The following ADAMTSL1 variants were observed in gnomAD, a reference collection of about 807,000 sequenced individuals.
The protein encoded by ADAMTSL1 is ADAMTS like 1.
Under a neutral mutation model 201.8 loss-of-function variants are expected in ADAMTSL1, and 126 were observed. The ratio of observed to expected loss-of-function variants is 0.62; its 90% CI spans 0.54 to 0.72. The LOEUF is 0.72. Ranked by LOEUF, ADAMTSL1 falls within the 30% of genes least tolerant of loss-of-function variation. The probability of loss-of-function intolerance (pLI) is 0.00; values close to 1 mark genes in which losing one functional copy is unlikely to be tolerated. For missense variants in ADAMTSL1, 2,679 were observed against 2,277.8 expected (o/e 1.18, Z -3.59); for synonymous variants, 1,121 against 903.4 (o/e 1.24, Z -4.32).
chr9:18,560,962 G>T (rs1174669344), intron 3 of ADAMTSL1, among the ~76,000 whole-genome samples: 1 of 149,654 alleles, frequency 6.7e-6, no homozygotes, highest in African/African-American at 2.4e-5. Context: ...ACAGCTCCTG[G>T]ATTCATTGAT....
At chr9:18,052,614 G>T (rs532978707) in intron 1 of ADAMTSL1, among the ~76,000 whole-genome samples, 1 of 152,264 alleles carries the variant, frequency 6.6e-6, no homozygotes, top group African/African-American at 2.4e-5. Context: ...GAAATGTGAG[G>T]CCAATAGTAC....
chr9:18,378,990 A>T (rs1411411911), intron 2 of ADAMTSL1, among the ~76,000 whole-genome samples: 1 of 152,222 alleles, frequency 6.6e-6, no homozygotes, highest in Non-Finnish European at 1.5e-5. Flanking sequence ...GACAGAAGCA[A>T]GAAAAAGTAA....
At chr9:18,021,517 C>T (rs1386459510) in intron 1 of ADAMTSL1, among the ~76,000 whole-genome samples, 1 of 152,124 alleles carries the variant, frequency 6.6e-6, no homozygotes, top group African/African-American at 2.4e-5. Context: ...ACTGAAACAT[C>T]TATCCTTAAA....
chr9:18,477,627 A>G (rs995818746), intron 1 of ADAMTSL1, among the ~76,000 whole-genome samples: 3 of 152,236 alleles, frequency 2.0e-5, no homozygotes, highest in African/African-American at 7.2e-5. Flanking sequence ...CACTCTACAC[A>G]GATTTCTTTT....
rs113386038 is a variant in ADAMTSL1 at position 17,980,927 on chromosome 9, G to A, written c.87+74005G>A. Reference sequence around the variant, plus strand: ...GAAGCCAGTGTGTAGAGATCAAACTGGGGGAGAGAGGAGGGAAGTGCTGCA... The same window carrying A: ...GAAGCCAGTGTGTAGAGATCAAACTAGGGGAGAGAGGAGGGAAGTGCTGCA... On this transcript the variant is annotated intron_variant, in intron 1 of 29. Coordinates refer to the ADAMTSL1 transcript ENST00000680146. Among the ~76,000 whole-genome samples, 861 of 152,094 alleles carry A rather than the reference G, an allele frequency of 5.7e-3. 5 individuals carry two copies. The highest frequency in any genetic ancestry group is 8.5e-3 in the South Asian group (41 of 4,816).
intron 2 of ADAMTSL1, among the ~76,000 whole-genome samples, chr9:18,421,599 G>A (rs1307456289): frequency 6.6e-6 from 1 of 152,172 alleles, no homozygotes; most frequent in Non-Finnish European, 1.5e-5. Context: ...ACCCTCTCCT[G>A]CTCAACAGGT....
chr9:18,489,973 G>T (rs1237170694), intron 1 of ADAMTSL1, among the ~76,000 whole-genome samples: 1 of 152,152 alleles, frequency 6.6e-6, no homozygotes, highest in East Asian at 1.9e-4. Flanking sequence ...AAATAAGTAC[G>T]TGTAAGTACT....
chr9:18,494,085 G>A (rs1822400489), intron 1 of ADAMTSL1, among the ~76,000 whole-genome samples: 1 of 152,146 alleles, frequency 6.6e-6, no homozygotes, highest in Non-Finnish European at 1.5e-5. Flanking sequence ...ATGGCTGGGT[G>A]GTGGCTCACG....
intron 2 of ADAMTSL1, among the ~76,000 whole-genome samples, chr9:18,179,197 G>T (rs1047038754): frequency 1.3e-5 from 2 of 152,114 alleles, no homozygotes; most frequent in South Asian, 2.1e-4. Context: ...TGATGGAGCT[G>T]AAAACCAAGG....
intron 2 of ADAMTSL1, among the ~76,000 whole-genome samples, chr9:18,463,108 G>C (rs568662328): frequency 1.3e-5 from 2 of 152,186 alleles, no homozygotes; most frequent in East Asian, 3.9e-4. Context: ...TTACTCCAGA[G>C]AAATATTTCT....
upstream of ADAMTSL1, among the ~76,000 whole-genome samples, chr9:18,471,840 C>T (rs1821228935): frequency 6.6e-6 from 1 of 152,190 alleles, no homozygotes; most frequent in Non-Finnish European, 1.5e-5. Flanking sequence ...CCCATTAAAA[C>T]TTCAAGGCAG....
At chr9:18,036,734 A>G (rs745749948) in intron 1 of ADAMTSL1, among the ~76,000 whole-genome samples, 3 of 152,148 alleles carry the variant, frequency 2.0e-5, no homozygotes, top group Non-Finnish European at 4.4e-5. Flanking sequence ...TCCTCTAATT[A>G]TGTGTTAAGA....
At chr9:18,315,923 C>T (rs1479873725) in intron 2 of ADAMTSL1, among the ~76,000 whole-genome samples, 3 of 152,220 alleles carry the variant, frequency 2.0e-5, no homozygotes, top group African/African-American at 4.8e-5. Flanking sequence ...ATCAGGGAAC[C>T]TGCCCCGATA....
At chr9:18,097,044 G>A (rs1010378805) in intron 1 of ADAMTSL1, among the ~76,000 whole-genome samples, 7 of 152,050 alleles carry the variant, frequency 4.6e-5, no homozygotes, top group East Asian at 1.9e-4. Flanking sequence ...GATACATGGC[G>A]GTTCCATCAT....
intron 2 of ADAMTSL1, among the ~76,000 whole-genome samples, chr9:18,374,057 A>C (rs1384978428): frequency 6.6e-6 from 1 of 152,186 alleles, no homozygotes; most frequent in Non-Finnish European, 1.5e-5. Context: ...AATCATAAAC[A>C]ACCAGCCTTA....
At chr9:18,298,974 T>C (rs1020772879) in intron 2 of ADAMTSL1, among the ~76,000 whole-genome samples, 4 of 149,428 alleles carry the variant, frequency 2.7e-5, no homozygotes, top group Non-Finnish European at 5.9e-5. Flanking sequence ...ATGGCGCCAC[T>C]GCACTCCAGC....
intron 2 of ADAMTSL1, among the ~76,000 whole-genome samples, chr9:18,245,096 G>A (rs746600919): frequency 4.6e-5 from 7 of 152,118 alleles, no homozygotes; most frequent in Non-Finnish European, 1.0e-4. Flanking sequence ...GCTGTTACAT[G>A]GCAGGTGTTA....
intron 26 of ADAMTSL1, among the ~76,000 whole-genome samples, chr9:18,903,227 G>A (rs1312045563): frequency 6.6e-6 from 1 of 151,940 alleles, no homozygotes; most frequent in Non-Finnish European, 1.5e-5. Context: ...AAGAAACCAA[G>A]TATTAATCAA....
chr9:18,776,737 TC>T, intron 18 of ADAMTSL1, 43 bp from the exon 19 acceptor site: 1 of 1,497,540 alleles, frequency 6.7e-7, no homozygotes, highest in Non-Finnish European at 8.9e-7. Context: ...GTTTTCTCTC[TC>T]CCCACCTCTT....
Sources: gnomAD v4.1 joint callset for allele counts (sites outside exome capture counted in the v4.1 genomes callset) on GRCh38, gnomAD v4.1.1 for gene constraint, MANE v1.5 for transcripts, NCBI Gene and HGNC (gene_info 2026-07-23, HGNC 2026-07-21) for gene names.